Variants in RAB27B observed in about 807,000 individuals in gnomAD.
The protein encoded by RAB27B is RAB27B, member RAS oncogene family.
In RAB27B, 15 loss-of-function variants were observed where a neutral mutation model predicts 24.6. The observed-to-expected ratio is 0.61, with a 90% CI of 0.41 to 0.94. RAB27B has a LOEUF of 0.94. Ranked by LOEUF, RAB27B falls within the 40% of genes least tolerant of loss-of-function variation. The pLI is 0.00. For synonymous variants in RAB27B, 105 were observed against 92.5 expected (o/e 1.14, Z -0.78); for missense variants, 261 against 266.8 (o/e 0.98, Z 0.15).
intron 2 of RAB27B, among the ~76,000 whole-genome samples, chr18:54,789,455 AATT>A (rs752986504): frequency 1.1e-4 from 17 of 152,294 alleles, no homozygotes; most frequent in Admixed American, 2.0e-4. Flanking sequence ...TTGTCCCAAT[AATT>A]AATAAATAAT....
intron 2 of RAB27B, among the ~76,000 whole-genome samples, chr18:54,781,316 T>C (rs1020616673): frequency 6.6e-6 from 1 of 152,036 alleles, no homozygotes; most frequent in Non-Finnish European, 1.5e-5. Context: ...TGGAAGAGAA[T>C]AGAGGGCAGT....
intron 3 of RAB27B, 154 bp downstream of exon 3, chr18:54,879,608 T>G (rs1912840870): frequency 1.5e-6 from 1 of 665,208 alleles, no homozygotes; most frequent in Non-Finnish European, 2.6e-6. Context: ...ATAAATGATT[T>G]GTAATTAATT....
chr18:54,876,538 C>A (rs1912710981), intron 1 of RAB27B, among the ~76,000 whole-genome samples: 2 of 151,984 alleles, frequency 1.3e-5, no homozygotes, highest in African/African-American at 4.8e-5. Context: ...TTAATATAGC[C>A]CATGATTCAG....
intron 1 of RAB27B, among the ~76,000 whole-genome samples, chr18:54,857,623 C>T (rs372203814): frequency 2.0e-5 from 3 of 152,156 alleles, no homozygotes; most frequent in Non-Finnish European, 2.9e-5. Context: ...TGTGCATGCA[C>T]GAGCTTAATG....
chr18:54,723,978 G>A (rs1375583811), intron 2 of RAB27B, among the ~76,000 whole-genome samples: 1 of 152,148 alleles, frequency 6.6e-6, no homozygotes, highest in Non-Finnish European at 1.5e-5. Context: ...TCCAACTGTT[G>A]GATGGCGCCA....
chr18:54,872,151 C>A (rs1225335082), intron 1 of RAB27B, among the ~76,000 whole-genome samples: 1 of 152,098 alleles, frequency 6.6e-6, no homozygotes, highest in Non-Finnish European at 1.5e-5. Flanking sequence ...CGGAGGAGCC[C>A]AGTTCTCTGA....
chr18:54,775,937 A>G (rs993759999), intron 2 of RAB27B, among the ~76,000 whole-genome samples: 1 of 152,244 alleles, frequency 6.6e-6, no homozygotes, highest in Non-Finnish European at 1.5e-5. Flanking sequence ...TGGTGATGTC[A>G]TAAGATAATC....
chr18:54,804,353 A>T (rs894629650), intron 2 of RAB27B, among the ~76,000 whole-genome samples: 1 of 152,106 alleles, frequency 6.6e-6, no homozygotes, highest in Non-Finnish European at 1.5e-5. Flanking sequence ...AATCTTTCCC[A>T]TGCTATTCTT....
chr18:54,843,408 C>T (rs913536152), intron 1 of RAB27B, among the ~76,000 whole-genome samples: 1 of 151,802 alleles, frequency 6.6e-6, no homozygotes, highest in Non-Finnish European at 1.5e-5. Flanking sequence ...GAAGATGCTT[C>T]TTTCTGACTC....
At chr18:54,884,173 G>C (rs1268468880) in intron 3 of RAB27B, among the ~76,000 whole-genome samples, 160 bp from the exon 4 acceptor site, 1 of 151,956 alleles carries the variant, frequency 6.6e-6, no homozygotes. Flanking sequence ...CTTCTCTCTT[G>C]GTTCTTCAGC....
intron 1 of RAB27B, among the ~76,000 whole-genome samples, chr18:54,862,080 G>T (rs1295246897): frequency 6.6e-6 from 1 of 151,524 alleles, no homozygotes; most frequent in Non-Finnish European, 1.5e-5. Flanking sequence ...AAGCATGACT[G>T]CCTTAGAAAA....
chr18:54,888,435 C>T (rs940238269), intron 5 of RAB27B, among the ~76,000 whole-genome samples: 4 of 152,068 alleles, frequency 2.6e-5, no homozygotes, highest in Admixed American at 1.3e-4. Context: ...TGGAAGGCCA[C>T]CCCACACAGT....
intron 2 of RAB27B, among the ~76,000 whole-genome samples, chr18:54,821,159 C>A (rs1012515136): frequency 6.6e-6 from 1 of 152,178 alleles, no homozygotes; most frequent in Non-Finnish European, 1.5e-5. Context: ...CCCAAAATCT[C>A]TTTAAGCTGA....
At chr18:54,824,552 C>A (rs567166298), upstream of RAB27B, among the ~76,000 whole-genome samples, 1 of 152,244 alleles carries the variant, frequency 6.6e-6, no homozygotes, top group South Asian at 2.1e-4. Flanking sequence ...GTTGGTTCTT[C>A]GCATCTGCGC....
intron 4 of RAB27B, among the ~76,000 whole-genome samples, chr18:54,886,429 T>C (rs1213035400): frequency 3.9e-5 from 6 of 152,066 alleles, no homozygotes; most frequent in East Asian, 3.9e-4. Flanking sequence ...TTATGCAAAA[T>C]TGATAATGTA....
intron 2 of RAB27B, among the ~76,000 whole-genome samples, chr18:54,741,524 C>T (rs947399704): frequency 3.3e-5 from 5 of 152,134 alleles, no homozygotes; most frequent in South Asian, 2.1e-4. Context: ...GACAGGGCCT[C>T]GCTGTGTTGC....
chr18:54,736,331 C>A (rs566985253), intron 2 of RAB27B, among the ~76,000 whole-genome samples: 1 of 152,230 alleles, frequency 6.6e-6, no homozygotes, highest in East Asian at 1.9e-4. Context: ...TAAGGAAATA[C>A]AACATTATCT....
At chr18:54,824,353 CTG>C (rs1910405100), upstream of RAB27B, among the ~76,000 whole-genome samples, 1 of 152,202 alleles carries the variant, frequency 6.6e-6, no homozygotes, top group Non-Finnish European at 1.5e-5. Flanking sequence ...ATCTTTAAGA[CTG>C]TAACAGAGTG....
chr18:54,762,597 T>A (rs2145053287), intron 2 of RAB27B, among the ~76,000 whole-genome samples: 1 of 152,292 alleles, frequency 6.6e-6, no homozygotes, highest in East Asian at 1.9e-4. Context: ...TGCTATTTCC[T>A]CTCTTGGGAG....
Sources: allele counts gnomAD v4.1 joint callset (sites outside exome capture counted in the v4.1 genomes callset), GRCh38; gene constraint gnomAD v4.1.1; transcripts MANE v1.5; gene names NCBI Gene and HGNC (gene_info 2026-07-23, HGNC 2026-07-21).